The following SDK2 variants were observed in gnomAD, a reference collection of about 807,000 sequenced individuals.
The protein encoded by SDK2 is protein sidekick-2.
In SDK2, 105 loss-of-function variants were observed where a neutral mutation model predicts 253.9. That is an observed-to-expected ratio of 0.41 (90% CI 0.35 to 0.49). The LOEUF (loss-of-function observed/expected upper bound fraction) is 0.49, where lower values mean the gene tolerates loss of function less well. SDK2 is among the 20% of genes least tolerant of loss of function. The pLI is 0.06. For missense variants in SDK2, 2,608 were observed against 3,003.0 expected (o/e 0.87, Z 3.07); for synonymous variants, 1,249 against 1,234.9 (o/e 1.01, Z -0.24).
At chr17:73,527,467 A>G (rs1040069973) in intron 1 of SDK2, among the ~76,000 whole-genome samples, 4 of 152,170 alleles carry the variant, frequency 2.6e-5, no homozygotes, top group Non-Finnish European at 4.4e-5. Context: ...AGCCTGGCCC[A>G]TTCACATCTG....
chr17:73,577,360 T>A (rs2045471210), intron 1 of SDK2, among the ~76,000 whole-genome samples: 1 of 152,146 alleles, frequency 6.6e-6, no homozygotes, highest in Non-Finnish European at 1.5e-5. Flanking sequence ...TCAACAAACA[T>A]ATACTAAGCA....
At chr17:73,478,652 A>G (rs1166126541) in intron 2 of SDK2, among the ~76,000 whole-genome samples, 1 of 152,220 alleles carries the variant, frequency 6.6e-6, no homozygotes, top group Non-Finnish European at 1.5e-5. Flanking sequence ...GGGGGACAAT[A>G]ACAGCCTAAC....
chr17:73,475,109 C>G lies in SDK2; in HGVS notation c.225-2891G>C, dbSNP rs181934951. Among the ~76,000 whole-genome samples the G allele has an allele frequency of 8.5e-3, 1,298 of 152,284 alleles. 8 individuals are homozygous for G. Among genetic ancestry groups the G allele is most frequent in the Non-Finnish European group, 0.015 (999 of 68,006 alleles). ...CTATGAAAATTAGAATATGCCAGCT[C>G]TTTGACTCAGAGGTTGTGCTCCTAG... On this transcript the variant is annotated intron_variant, in intron 2 of 44. Transcript: ENST00000392650.
chr17:73,432,222 A>C (rs2063331440), intron 10 of SDK2, among the ~76,000 whole-genome samples: 1 of 152,094 alleles, frequency 6.6e-6, no homozygotes, highest in South Asian at 2.1e-4. Context: ...AGGGGGACCC[A>C]GGGAGCCTGG....
chr17:73,593,138 C>T (rs571709467), intron 1 of SDK2, among the ~76,000 whole-genome samples: 4 of 152,254 alleles, frequency 2.6e-5, no homozygotes, highest in Non-Finnish European at 4.4e-5. Context: ...TGCTGCAGGT[C>T]TTCCCTCGAC....
intron 18 of SDK2, among the ~76,000 whole-genome samples, chr17:73,408,943 A>G (rs2133273): frequency 0.99 from 150,396 of 152,336 alleles, 74,269 homozygotes; most frequent in East Asian, 1. Flanking sequence ...ATGATAATGC[A>G]GTTACTGTGG....
At chr17:73,347,911 C>G (rs1244505272) in intron 44 of SDK2, among the ~76,000 whole-genome samples, 1 of 152,190 alleles carries the variant, frequency 6.6e-6, no homozygotes, top group African/African-American at 2.4e-5. Flanking sequence ...TTGCCGTGTG[C>G]CTGGCTCTAC....
intron 43 of SDK2, among the ~76,000 whole-genome samples, chr17:73,349,207 G>A (rs2062513056): frequency 6.6e-6 from 1 of 152,250 alleles, no homozygotes; most frequent in Non-Finnish European, 1.5e-5. Flanking sequence ...TGCTGGGCCT[G>A]GCTGGGCCTG....
At chr17:73,365,815 G>A (rs1036129144) in intron 37 of SDK2, among the ~76,000 whole-genome samples, 1 of 152,096 alleles carries the variant, frequency 6.6e-6, no homozygotes, top group Non-Finnish European at 1.5e-5. Context: ...AGAATATTCG[G>A]TAGGCGCTAA....
rs1161503952 is a variant in SDK2, at chr17:73,435,177, T to G, written c.1195+273A>C. Among the ~76,000 whole-genome samples, 2 of 152,144 alleles carry G rather than the reference T, an allele frequency of 1.3e-5. No individual in the cohort carries two copies. On this transcript the variant is annotated intron_variant, in intron 9 of 44. Coordinates refer to ENST00000392650, the MANE Select transcript of SDK2 (RefSeq NM_001144952.2). The surrounding 1 kb of genome is among the most constrained non-coding windows in gnomAD (Gnocchi z 5.7). ...CCCGTGGTTGGTTTCATAGCTCCTT[T>G]TCTCAAAAAGCCGTGAACGCAACCT...
chr17:73,529,664 C>T (rs548615294), intron 1 of SDK2, among the ~76,000 whole-genome samples: 16 of 152,164 alleles, frequency 1.1e-4, no homozygotes, highest in Middle Eastern at 3.4e-3. Flanking sequence ...CAGAGACACA[C>T]GGGGAAGATG....
chr17:73,553,629 C>T (rs1217680561), intron 1 of SDK2, among the ~76,000 whole-genome samples: 1 of 152,172 alleles, frequency 6.6e-6, no homozygotes, highest in African/African-American at 2.4e-5. Flanking sequence ...TACCTGGCCA[C>T]AGCCTCCATC....
In SDK2 at chr17:73,353,031, CA is replaced by C. The variant is rs766565394; in HGVS notation, c.5594-395del. ...GCTTGAAGCTGGGAGATGGAAGTTG[CA>C]GTGAGCTGAGATCACGCCACTGCAT... On this transcript the variant is annotated intron_variant, in intron 40 of 44. Coordinates refer to ENST00000392650, the MANE Select transcript of SDK2 (RefSeq NM_001144952.2). Among the ~76,000 whole-genome samples, 137 of 151,868 alleles carry C rather than the reference CA, an allele frequency of 9.0e-4. No individual in the cohort carries two copies. In the South Asian group the frequency reaches 0.011, roughly 13 times the overall value.
chr17:73,391,546 G>A lies in SDK2; in HGVS notation c.3899-8C>T, dbSNP rs745772093. 3 of 1,283,636 alleles carry A rather than the reference G, an allele frequency of 2.3e-6. No homozygotes were observed. The African/African-American group carries it at 4.5e-5, about 19-fold the overall frequency. 79.5% of individuals were successfully genotyped at this position (1,283,636 alleles called of 1,614,324 possible). The stretch of plus-strand genomic sequence containing the variant: ...CCATGGGTGGTCCTGGGACTGGAGG[G>A]GGCAAAGGAGAGGAGGCCGACCCAT... On this transcript the variant is annotated splice_polypyrimidine_tract_variant and splice_region_variant and intron_variant, in intron 27 of 44. Transcript: ENST00000392650.
At chr17:73,565,660 C>G (rs900814285) in intron 1 of SDK2, among the ~76,000 whole-genome samples, 1 of 152,212 alleles carries the variant, frequency 6.6e-6, no homozygotes, top group African/African-American at 2.4e-5. Context: ...AGGTATTTAT[C>G]CCCTCCAAAT....
intron 1 of SDK2, among the ~76,000 whole-genome samples, chr17:73,567,790 G>A (rs1270857981): frequency 6.6e-6 from 1 of 152,214 alleles, no homozygotes; most frequent in African/African-American, 2.4e-5. Context: ...CTTTCTTTTG[G>A]TTGATTTCTC....
intron 2 of SDK2, among the ~76,000 whole-genome samples, chr17:73,504,720 G>A (rs1163793947): frequency 6.6e-6 from 1 of 150,522 alleles, no homozygotes; most frequent in East Asian, 1.9e-4. Context: ...CCCTGCAGGA[G>A]AAAAAAAAGT....
rs145066001 is a variant in SDK2 at position 73,442,173 on chromosome 17, G to A, written c.614-1250C>T. ...AGAGGCCAGAGCTGGCTCTCTCTCC[G>A]CCATGTGAGGACACGGCTGGAAGGC... On this transcript the variant is annotated intron_variant, in intron 5 of 44. Coordinates refer to ENST00000392650, the MANE Select transcript of SDK2 (RefSeq NM_001144952.2). 1.5e-3 allele frequency among the ~76,000 whole-genome samples: 233 copies of A among 152,324 alleles called. 1 individual carries two copies. Among genetic ancestry groups the A allele is most frequent in the Non-Finnish European group, 2.0e-3 (139 of 68,024 alleles).
intron 1 of SDK2, among the ~76,000 whole-genome samples, chr17:73,514,996 C>T (rs2064013152): frequency 6.6e-6 from 1 of 152,196 alleles, no homozygotes; most frequent in African/African-American, 2.4e-5. Context: ...AACCTCACTT[C>T]TCTCCAAACT....
Sources: allele counts gnomAD v4.1 joint callset (sites outside exome capture counted in the v4.1 genomes callset), GRCh38; gene constraint gnomAD v4.1.1; non-coding constraint Gnocchi (gnomAD v3.1); transcripts MANE v1.5; gene names NCBI Gene and HGNC (gene_info 2026-07-23, HGNC 2026-07-21).